The following DPP6 variants were observed in gnomAD, a reference collection of about 807,000 sequenced individuals.
DPP6 encodes A-type potassium channel modulatory protein DPP6.
A neutral mutation model predicts 122.6 loss-of-function variants in DPP6; 69 were observed. The ratio of observed to expected loss-of-function variants is 0.56; its 90% CI spans 0.46 to 0.69. The LOEUF is 0.69. Among genes scored for constraint, DPP6 ranks in the 30% least tolerant of loss-of-function variants. The pLI is 0.00. For missense variants in DPP6, 928 were observed against 1,116.9 expected, an observed-to-expected ratio of 0.83 and a Z score of 2.41; for synonymous variants, 418 against 433.1, an observed-to-expected ratio of 0.97 and a Z score of 0.43.
intron 21 of DPP6, among the ~76,000 whole-genome samples, chr7:154,883,401 CAT>C (rs1491035087): frequency 6.5e-5 from 8 of 122,634 alleles, no homozygotes; most frequent in South Asian, 5.3e-4. Flanking sequence ...CACACACACA[CAT>C]GCTCACCCAT....
intron 1 of DPP6, among the ~76,000 whole-genome samples, chr7:154,007,521 G>A (rs1184755725): frequency 6.6e-6 from 1 of 152,126 alleles, no homozygotes; most frequent in East Asian, 1.9e-4. Context: ...TCTTGTTTTA[G>A]TTCTCCCAAC....
intron 1 of DPP6, among the ~76,000 whole-genome samples, chr7:153,985,923 A>G (rs1796823514): frequency 6.6e-6 from 1 of 152,236 alleles, no homozygotes; most frequent in Non-Finnish European, 1.5e-5. Flanking sequence ...CAGGAGGAAT[A>G]AAAGACCTTA....
chr7:154,813,898 G>A (rs77868712), intron 16 of DPP6, among the ~76,000 whole-genome samples: 1 of 22,270 alleles, frequency 4.5e-5, no homozygotes, highest in African/African-American at 1.4e-4. Context: ...TTTTTTTTTT[G>A]AGATGGAGTT....
chr7:154,580,081 T>C (rs1831952022), intron 5 of DPP6, among the ~76,000 whole-genome samples: 1 of 151,882 alleles, frequency 6.6e-6, no homozygotes, highest in Non-Finnish European at 1.5e-5. Flanking sequence ...GGATAGGATG[T>C]AGCGGTGAAT....
intron 2 of DPP6, among the ~76,000 whole-genome samples, chr7:154,453,901 T>C (rs967794692): frequency 6.6e-6 from 1 of 152,234 alleles, no homozygotes; most frequent in Non-Finnish European, 1.5e-5. Context: ...TGGATTATCT[T>C]ATCATAAAGT....
intron 1 of DPP6, among the ~76,000 whole-genome samples, chr7:154,121,798 A>T (rs1807490363): frequency 6.6e-6 from 1 of 152,212 alleles, no homozygotes; most frequent in Non-Finnish European, 1.5e-5. Context: ...CTCGCTTCTA[A>T]TGTAGGTGTT....
chr7:154,185,763 C>T (rs1206587723), intron 1 of DPP6, among the ~76,000 whole-genome samples: 2 of 152,236 alleles, frequency 1.3e-5, no homozygotes, highest in East Asian at 3.9e-4. Flanking sequence ...TTGTCAATTA[C>T]TTCTGGAATC....
chr7:153,765,159 C>T, the DPP6 span, among the ~76,000 whole-genome samples: 1 of 151,940 alleles, frequency 6.6e-6, no homozygotes, highest in Non-Finnish European at 1.5e-5. Context: ...TAACCAATTT[C>T]ATACCCTTTA....
At chr7:154,214,323 T>G (rs1401241338) in intron 1 of DPP6, among the ~76,000 whole-genome samples, 1 of 152,248 alleles carries the variant, frequency 6.6e-6, no homozygotes, top group Non-Finnish European at 1.5e-5. Context: ...GTGCTCTTGA[T>G]GTGGAGCCTC....
intron 1 of DPP6, among the ~76,000 whole-genome samples, chr7:153,891,468 ATT>A (rs1563211122): frequency 6.6e-6 from 1 of 152,158 alleles, no homozygotes; most frequent in South Asian, 2.1e-4. Context: ...AACAAAAATT[ATT>A]TTTTTAAAAA....
At chr7:153,858,174 T>C in the DPP6 span, among the ~76,000 whole-genome samples, 2 of 152,256 alleles carry the variant, frequency 1.3e-5, no homozygotes, top group Non-Finnish European at 2.9e-5. Flanking sequence ...AGAGTTTTCT[T>C]TGCAGTCATT....
At chr7:154,713,335 C>T (rs925459082) in intron 7 of DPP6, among the ~76,000 whole-genome samples, 5 of 152,218 alleles carry the variant, frequency 3.3e-5, no homozygotes, top group Non-Finnish European at 7.3e-5. Flanking sequence ...GATGGTGGCC[C>T]TCTTCTCACA....
intron 14 of DPP6, among the ~76,000 whole-genome samples, chr7:154,804,579 T>A (rs941287319): frequency 1.3e-5 from 2 of 152,200 alleles, no homozygotes. Flanking sequence ...TGTGCTCAGC[T>A]CCTTGCCCTT....
At chr7:154,140,399 A>G (rs1795786519) in intron 1 of DPP6, among the ~76,000 whole-genome samples, 1 of 152,236 alleles carries the variant, frequency 6.6e-6, no homozygotes, top group Non-Finnish European at 1.5e-5. Flanking sequence ...ACTATAGTAT[A>G]GTTCATGCCA....
chr7:154,090,902 C>T (rs903184633), intron 1 of DPP6, among the ~76,000 whole-genome samples: 1 of 149,122 alleles, frequency 6.7e-6, no homozygotes, highest in African/African-American at 2.5e-5. Context: ...GGGCGGATCA[C>T]AAAGTCAGGA....
chr7:153,900,641 A>G (rs1270625312), intron 1 of DPP6, among the ~76,000 whole-genome samples: 2 of 152,196 alleles, frequency 1.3e-5, no homozygotes, highest in East Asian at 3.9e-4. Flanking sequence ...CAAGCCATTC[A>G]TGAGGCGTCT....
chr7:154,501,554 T>C (rs2151412821), intron 3 of DPP6, among the ~76,000 whole-genome samples: 1 of 152,280 alleles, frequency 6.6e-6, no homozygotes, highest in African/African-American at 2.4e-5. Flanking sequence ...CTTCAGAGGG[T>C]GCAAGCCCCA....
At chr7:154,042,559 T>C (rs1218973542) in intron 1 of DPP6, among the ~76,000 whole-genome samples, 1 of 152,172 alleles carries the variant, frequency 6.6e-6, no homozygotes, top group Non-Finnish European at 1.5e-5. Context: ...AAGATAGCAC[T>C]GTAGAACTCT....
At chr7:153,966,554 C>CTTTTTTTTT (rs753840054) in intron 1 of DPP6, among the ~76,000 whole-genome samples, 3 of 41,356 alleles carry the variant, frequency 7.3e-5, no homozygotes, top group African/African-American at 2.5e-4. Flanking sequence ...CCTGTGTTGG[C>CTTTTTTTTT]TTTTTTTTTT....
Sources: gnomAD v4.1 joint callset for allele counts (sites outside exome capture counted in the v4.1 genomes callset) on GRCh38, gnomAD v4.1.1 for gene constraint, MANE v1.5 for transcripts, NCBI Gene and HGNC (gene_info 2026-07-23, HGNC 2026-07-21) for gene names.